The following ATRN variants were observed in gnomAD, a reference collection of about 807,000 sequenced individuals.
ATRN encodes attractin, also known as attractin-2.
In ATRN, 54 loss-of-function variants were observed where a neutral mutation model predicts 178.7. The ratio of observed to expected loss-of-function variants is 0.30; its 90% CI spans 0.24 to 0.38. ATRN has a LOEUF of 0.38. ATRN is among the 10% of genes least tolerant of loss of function. The pLI, the probability that ATRN is intolerant of heterozygous loss-of-function variation, is 1.00. For missense variants in ATRN, 1,443 were observed against 1,815.1 expected (o/e 0.79, Z 3.73); for synonymous variants, 636 against 663.0 (o/e 0.96, Z 0.63).
At chr20:3,563,982 GTCT>G (rs1364260173) in intron 10 of ATRN, among the ~76,000 whole-genome samples, 1 of 152,098 alleles carries the variant, frequency 6.6e-6, no homozygotes, top group Non-Finnish European at 1.5e-5. Context: ...CTTCAGAACT[GTCT>G]TCATCTTGTA....
intron 2 of ATRN, among the ~76,000 whole-genome samples, chr20:3,536,961 T>C (rs1023577254): frequency 6.6e-6 from 1 of 152,244 alleles, no homozygotes; most frequent in African/African-American, 2.4e-5. Context: ...GAACTTTTGG[T>C]ACTTGTTAAA....
intron 6 of ATRN, among the ~76,000 whole-genome samples, chr20:3,556,908 G>C (rs2085884756): frequency 6.6e-6 from 1 of 152,026 alleles, no homozygotes; most frequent in Non-Finnish European, 1.5e-5. Flanking sequence ...ACAAGCTCTT[G>C]GTCTGACTTG....
intron 1 of ATRN, among the ~76,000 whole-genome samples, chr20:3,517,907 T>C (rs1487473600): frequency 6.6e-6 from 1 of 152,126 alleles, no homozygotes; most frequent in Non-Finnish European, 1.5e-5. Flanking sequence ...ATACAGCACA[T>C]ATTTCCAGCT....
rs766458912 is a variant in ATRN, at chr20:3,563,340, C to T, written c.1763C>T (p.Ser588Leu). The T allele has an allele frequency of 2.5e-6, 4 of 1,613,932 alleles. No homozygotes were observed. Among genetic ancestry groups the T allele is most frequent in the Admixed American group, 1.7e-5 (1 of 59,990 alleles). ...SMSHGAKCFS[S>L]DFMAYDIACD... ...AGCCATGGCGCCAAATGCTTCTCTTCAGATTTCATGGCCTATGACATTGGT... is the reference window on the plus strand; with the variant it reads ...AGCCATGGCGCCAAATGCTTCTCTTTAGATTTCATGGCCTATGACATTGGT... Residue 588 changes from serine (S) to leucine (L), a missense_variant, in exon 10 of 29, where the codon TCA (serine) becomes TTA (leucine). By Grantham distance (145) the Ser-to-Leu change is moderately radical. Coordinates refer to ENST00000262919, the MANE Select transcript of ATRN (RefSeq NM_139321.3).
chr20:3,499,431 C>G (rs1242554343), intron 1 of ATRN, among the ~76,000 whole-genome samples: 2 of 145,784 alleles, frequency 1.4e-5, no homozygotes, highest in Non-Finnish European at 3.0e-5. Context: ...TGACTTCAAA[C>G]TATACTACAA....
Position 3,608,709 on chromosome 20 carries a change from A to G in ATRN, c.3801+4447A>G, listed in dbSNP as rs527655199. On this transcript the variant is annotated intron_variant, in intron 24 of 28. Transcript: ENST00000262919. Reference sequence around the variant, plus strand: ...TGGCTGAGTACAGCAGCTCGTGCCTATAATCCCAGCACTTTGGGAGGCCGA... The same window carrying G: ...TGGCTGAGTACAGCAGCTCGTGCCTGTAATCCCAGCACTTTGGGAGGCCGA... Among the ~76,000 whole-genome samples the G allele has an allele frequency of 5.9e-5, 9 of 152,254 alleles. 1 individual carries two copies. Among genetic ancestry groups the G allele is most frequent in the African/African-American group, 1.7e-4 (7 of 41,554 alleles).
intron 27 of ATRN, among the ~76,000 whole-genome samples, chr20:3,641,889 TAAGA>T (rs1331681586): frequency 1.3e-5 from 2 of 152,176 alleles, no homozygotes; most frequent in Non-Finnish European, 2.9e-5. Context: ...GACTAAAGTG[TAAGA>T]AAGAATAGTG....
chr20:3,541,065 CA>C (rs2085611919), intron 3 of ATRN, among the ~76,000 whole-genome samples: 1 of 145,224 alleles, frequency 6.9e-6, no homozygotes, highest in Non-Finnish European at 1.5e-5. Flanking sequence ...CTTCCTTTTA[CA>C]TGATAGAGGA....
At chr20:3,530,091 A>T (rs946365236) in intron 1 of ATRN, among the ~76,000 whole-genome samples, 20 of 151,696 alleles carry the variant, frequency 1.3e-4, no homozygotes, top group Non-Finnish European at 1.2e-4. Context: ...AGGTAAGTGG[A>T]TTGTTAACAT....
intron 22 of ATRN, among the ~76,000 whole-genome samples, chr20:3,599,089 A>G (rs2086571039): frequency 6.6e-6 from 1 of 152,238 alleles, no homozygotes; most frequent in South Asian, 2.1e-4. Context: ...TAGAAAAGAT[A>G]CATTCTCAAA....
chr20:3,504,224 A>G (rs1478767312), intron 1 of ATRN, among the ~76,000 whole-genome samples: 2 of 152,200 alleles, frequency 1.3e-5, no homozygotes, highest in East Asian at 3.9e-4. Context: ...ACATTCTCAG[A>G]TAATGGATAC....
rs528791216 is a variant in ATRN at position 3,621,323 on chromosome 20, A to G, written c.3802-3188A>G. ...AGTAGTACAGTAGTAGAGTGAGCGG[A>G]AGCACTTTTGGCTGAAGTGCAACAT... On this transcript the variant is annotated intron_variant, in intron 24 of 28. Coordinates refer to ENST00000262919, the MANE Select transcript of ATRN (RefSeq NM_139321.3). Among the ~76,000 whole-genome samples, 7 of 152,098 alleles carry G rather than the reference A, an allele frequency of 4.6e-5. No individual in the cohort carries two copies. The East Asian group carries it at 7.7e-4, about 17-fold the overall frequency.
At chr20:3,499,867 CA>C (rs1479592956) in intron 1 of ATRN, among the ~76,000 whole-genome samples, 2 of 147,772 alleles carry the variant, frequency 1.4e-5, no homozygotes, top group African/African-American at 5.0e-5. Context: ...TTCTGCACAG[CA>C]AAAGAAACTA....
Position 3,646,749 on chromosome 20 carries a change from G to C in ATRN, c.4192G>C (p.Asp1398His). Residue 1398 changes from aspartate to histidine, a missense_variant, in exon 29 of 29, where the codon GAC (aspartate) becomes CAC (histidine). This residue lies in a region of ATRN where 289 missense variants were observed against 440.8 expected (regional missense o/e 0.66). Transcript: ENST00000262919. ...SGLAVASALV[D>H]ISQQMPIVYK... ...TCTTGCTGTGGCCAGCGCCCTGGTG[G>C]ACATTTCTCAGCAGATGCCGATAGT... The C allele has an allele frequency of 6.2e-7, 1 of 1,605,208 alleles. No individual in the cohort carries two copies. The highest frequency in any genetic ancestry group is 8.5e-7 in the Non-Finnish European group (1 of 1,175,638).
chr20:3,530,445 T>C (rs1334833330), intron 1 of ATRN, among the ~76,000 whole-genome samples: 1 of 149,990 alleles, frequency 6.7e-6, no homozygotes. Flanking sequence ...TTTTTCTTTT[T>C]TTTTTTTGTA....
At chr20:3,516,233 G>C (rs1042512525) in intron 1 of ATRN, among the ~76,000 whole-genome samples, 5 of 152,312 alleles carry the variant, frequency 3.3e-5, no homozygotes, top group Admixed American at 3.3e-4. Flanking sequence ...ACAGTGCGGA[G>C]AGTCTGTATG....
rs1262997084 is a variant in ATRN at position 3,566,120 on chromosome 20, A to G, written c.1871+688A>G. On this transcript the variant is annotated intron_variant, in intron 11 of 28. Transcript: ENST00000262919. ...TCAAGTTCCTAGTAGTTGTATCTGAATAGTAAGAAGTTTGGAAAAGAGGAG... is the reference window on the plus strand; with the variant it reads ...TCAAGTTCCTAGTAGTTGTATCTGAGTAGTAAGAAGTTTGGAAAAGAGGAG... 2.0e-5 allele frequency among the ~76,000 whole-genome samples: 3 copies of G among 152,250 alleles called. No individual in the cohort carries two copies. In the East Asian group the frequency reaches 5.8e-4, roughly 29 times the overall value.
chr20:3,614,703 G>T (rs1312219351), intron 24 of ATRN, among the ~76,000 whole-genome samples: 1 of 152,162 alleles, frequency 6.6e-6, no homozygotes, highest in Non-Finnish European at 1.5e-5. Flanking sequence ...GGTTTTCAGT[G>T]TATTCACAGA....
Position 3,604,273 on chromosome 20 carries a change from G to A in ATRN, c.3801+11G>A, listed in dbSNP as rs1482396703. On this transcript the variant is annotated intron_variant, in intron 24 of 28. Coordinates refer to ENST00000262919, the MANE Select transcript of ATRN (RefSeq NM_139321.3). The stretch of plus-strand genomic sequence containing the variant: ...CCCATCAAAATTCAGGTAAGAAGAG[G>A]CTTTTGGTCTCATACCTGCAAAGGT... 6 of 1,584,694 alleles carry A rather than the reference G, an allele frequency of 3.8e-6. No homozygotes were observed. Among genetic ancestry groups the A allele is most frequent in the South Asian group, 1.2e-5 (1 of 84,992 alleles).
Sources: gnomAD v4.1 joint callset for allele counts (sites outside exome capture counted in the v4.1 genomes callset) on GRCh38, gnomAD v4.1.1 for gene constraint, gnomAD v4.1.1 regional missense constraint, MANE v1.5 for transcripts, NCBI Gene and HGNC (gene_info 2026-07-23, HGNC 2026-07-21) for gene names.